GRIP1: variants seen among roughly 807,000 people sequenced by gnomAD.
The protein encoded by GRIP1 is glutamate receptor interacting protein 1, also known as glutamate receptor-interacting protein 1.
Under a neutral mutation model 129.9 loss-of-function variants are expected in GRIP1, and 45 were observed. The ratio of observed to expected loss-of-function variants is 0.35; its 90% CI spans 0.27 to 0.44. GRIP1 has a LOEUF of 0.44. GRIP1 is among the 20% of genes least tolerant of loss of function. The pLI is 1.00. For missense variants in GRIP1, 1,196 were observed against 1,396.8 expected (o/e 0.86, Z 2.29); for synonymous variants, 530 against 520.8 (o/e 1.02, Z -0.24).
intron 15 of GRIP1, among the ~76,000 whole-genome samples, chr12:66,408,050 T>C (rs145113901): frequency 6.6e-6 from 1 of 152,276 alleles, no homozygotes; most frequent in East Asian, 1.9e-4. Flanking sequence ...CTAAGGCCCC[T>C]TTTCTAGGTC....
At chr12:66,566,133 C>T (rs1200401920) in intron 2 of GRIP1, among the ~76,000 whole-genome samples, 2 of 152,190 alleles carry the variant, frequency 1.3e-5, no homozygotes, top group Non-Finnish European at 2.9e-5. Flanking sequence ...TGCCTAATTG[C>T]CCTGGCCAGA....
intron 4 of GRIP1, among the ~76,000 whole-genome samples, chr12:66,530,525 G>A (rs920071908): frequency 6.6e-6 from 1 of 152,100 alleles, no homozygotes; most frequent in African/African-American, 2.4e-5. Flanking sequence ...AATTTTACTT[G>A]ATATATTATG....
At chr12:66,840,150 A>G (rs1449480248) in intron 1 of GRIP1, among the ~76,000 whole-genome samples, 1 of 152,136 alleles carries the variant, frequency 6.6e-6, no homozygotes, top group Non-Finnish European at 1.5e-5. Context: ...ACACAAGATA[A>G]AATGTCCCAT....
chr12:66,979,613 C>T (rs1402591174), intron 1 of GRIP1, among the ~76,000 whole-genome samples: 1 of 152,048 alleles, frequency 6.6e-6, no homozygotes, highest in Non-Finnish European at 1.5e-5. Context: ...GTTGTAACCC[C>T]CAGAAAGACG....
At chr12:66,955,318 C>A (rs2041822149) in intron 1 of GRIP1, among the ~76,000 whole-genome samples, 1 of 152,090 alleles carries the variant, frequency 6.6e-6, no homozygotes, top group Non-Finnish European at 1.5e-5. Context: ...CTGAAGCACA[C>A]ACGGAGAACC....
chr12:66,552,771 G>C (rs2139324888), intron 2 of GRIP1, among the ~76,000 whole-genome samples: 1 of 152,280 alleles, frequency 6.6e-6, no homozygotes, highest in South Asian at 2.1e-4. Flanking sequence ...GTGCATCAGG[G>C]GCATTTATTT....
At chr12:66,971,367 C>T (rs929326939) in intron 1 of GRIP1, among the ~76,000 whole-genome samples, 6 of 152,094 alleles carry the variant, frequency 3.9e-5, no homozygotes, top group Non-Finnish European at 8.8e-5. Context: ...TTTCATATTC[C>T]TATTTTCAAT....
Position 66,583,682 on chromosome 12 carries a change from G to A in GRIP1, c.136+13165C>T, listed in dbSNP as rs183011285. On this transcript the variant is annotated intron_variant, in intron 2 of 24. Coordinates refer to ENST00000359742, the MANE Select transcript of GRIP1 (RefSeq NM_001366722.1). ...ATGCTCATCATCACTGGCCATCAGA[G>A]AAATGCAAATCAAAACCACAGTGAT... Among the ~76,000 whole-genome samples, 558 of 139,716 alleles carry A rather than the reference G, an allele frequency of 4.0e-3. 71 individuals are homozygous for A. Among genetic ancestry groups the A allele is most frequent in the African/African-American group, 0.014 (539 of 38,254 alleles). 91.7% of individuals were successfully genotyped at this position (139,716 alleles called of 152,430 possible).
chr12:66,654,774 A>T (rs1362266932), intron 1 of GRIP1, among the ~76,000 whole-genome samples: 2 of 152,150 alleles, frequency 1.3e-5, no homozygotes, highest in East Asian at 3.9e-4. Flanking sequence ...TACAATAAAG[A>T]TGGAAAGAGA....
At chr12:66,692,828 C>T (rs971481444) in intron 1 of GRIP1, among the ~76,000 whole-genome samples, 10 of 152,268 alleles carry the variant, frequency 6.6e-5, no homozygotes, top group Non-Finnish European at 1.2e-4. Flanking sequence ...AAATGAGCTA[C>T]GACAAGTTAC....
At chr12:66,948,308 T>C (rs1214752004) in intron 1 of GRIP1, among the ~76,000 whole-genome samples, 1 of 152,250 alleles carries the variant, frequency 6.6e-6, no homozygotes, top group African/African-American at 2.4e-5. Flanking sequence ...GTTTGTTAGA[T>C]ATCCATTTGT....
At chr12:67,013,972 T>C (rs971267578) in intron 1 of GRIP1, among the ~76,000 whole-genome samples, 9 of 152,198 alleles carry the variant, frequency 5.9e-5, no homozygotes, top group Admixed American at 5.2e-4. Flanking sequence ...ACAAAGATGC[T>C]CTCTTTTCTG....
chr12:66,527,646 C>T (rs1265185321), intron 5 of GRIP1, among the ~76,000 whole-genome samples: 2 of 151,936 alleles, frequency 1.3e-5, no homozygotes, highest in Non-Finnish European at 2.9e-5. Context: ...GTACATTGTG[C>T]ACATGTACCC....
chr12:66,537,257 TGTAA>T (rs2061632746), intron 4 of GRIP1, among the ~76,000 whole-genome samples: 1 of 152,068 alleles, frequency 6.6e-6, no homozygotes, highest in Admixed American at 6.5e-5. Flanking sequence ...ACATAGAAAG[TGTAA>T]GTAACTTTCT....
At position 67,007,300 on chromosome 12, in the gene GRIP1, C is replaced by T. The variant is rs944691097; in HGVS notation, c.58+61750G>A. ...TTCAATATGTATCTCCCAAAATTCACGGCAACAAGATTCATATGCGGGGGA... is the reference window on the plus strand; with the variant it reads ...TTCAATATGTATCTCCCAAAATTCATGGCAACAAGATTCATATGCGGGGGA... On this transcript the variant is annotated intron_variant, in intron 1 of 1. Coordinates refer to the GRIP1 transcript ENST00000643019. Among the ~76,000 whole-genome samples, 9 of 152,156 alleles carry T rather than the reference C, an allele frequency of 5.9e-5. No homozygotes were observed. In the South Asian group the frequency reaches 6.2e-4, roughly 11 times the overall value.
chr12:66,697,205 C>A (rs1000548346), intron 1 of GRIP1, among the ~76,000 whole-genome samples: 1 of 152,126 alleles, frequency 6.6e-6, no homozygotes, highest in African/African-American at 2.4e-5. Flanking sequence ...GGAAAAAAGA[C>A]CAATTTTCCT....
intron 1 of GRIP1, among the ~76,000 whole-genome samples, chr12:66,888,895 A>G (rs2040610350): frequency 6.6e-6 from 1 of 152,252 alleles, no homozygotes; most frequent in African/African-American, 2.4e-5. Flanking sequence ...TTCAAATCTG[A>G]GTAAGAGTGC....
At chr12:66,742,598 C>A (rs1420920368) in intron 1 of GRIP1, among the ~76,000 whole-genome samples, 1 of 151,998 alleles carries the variant, frequency 6.6e-6, no homozygotes, top group African/African-American at 2.4e-5. Flanking sequence ...ATGGCTATTT[C>A]TGGTGTATCA....
chr12:66,581,313 A>G (rs2063368731), intron 2 of GRIP1, among the ~76,000 whole-genome samples: 2 of 151,762 alleles, frequency 1.3e-5, no homozygotes, highest in African/African-American at 4.8e-5. Flanking sequence ...GAAAGATCCA[A>G]AATTGACACC....
Sources: allele counts gnomAD v4.1 joint callset (sites outside exome capture counted in the v4.1 genomes callset), GRCh38; gene constraint gnomAD v4.1.1; transcripts MANE v1.5; gene names NCBI Gene and HGNC (gene_info 2026-07-23, HGNC 2026-07-21).